Variants in C2CD5 observed in about 807,000 individuals in gnomAD.
The protein encoded by C2CD5 is C2 domain-containing protein 5.
In C2CD5, 109 loss-of-function variants were observed where a neutral mutation model predicts 130.3. The observed-to-expected ratio is 0.84, with a 90% CI of 0.72 to 0.98. C2CD5 has a LOEUF of 0.98. Among genes scored for constraint, C2CD5 ranks in the 50% least tolerant of loss-of-function variants. The pLI is 0.00. For synonymous variants in C2CD5, 454 were observed against 429.2 expected (o/e 1.06, Z -0.71); for missense variants, 996 against 1,261.8 (o/e 0.79, Z 3.19).
In C2CD5 at chr12:22,518,023, AGAG is replaced by A. The variant is rs1434055502; in HGVS notation, c.912_914del (p.Ser307del). The A allele has an allele frequency of 6.2e-7, 1 of 1,613,892 alleles. No homozygotes were observed. Among genetic ancestry groups the A allele is most frequent in the Admixed American group, 1.7e-5 (1 of 59,980 alleles). On this transcript the variant is annotated inframe_deletion, in exon 8 of 27. Coordinates refer to ENST00000446597, the MANE Select transcript of C2CD5 (RefSeq NM_001286176.2). ...TCAAACTCAAATCTGTGTCAGAAGAAGAGGACTGTCGACTGTAGGACTTGGAAG... is the reference window on the plus strand; with the variant it reads ...TCAAACTCAAATCTGTGTCAGAAGAAGACTGTCGACTGTAGGACTTGGAAG...
intron 2 of C2CD5, 37 bp downstream of exon 2, chr12:22,544,024 G>A (rs780965274): frequency 2.7e-6 from 4 of 1,479,876 alleles, no homozygotes; most frequent in South Asian, 2.3e-5. Flanking sequence ...AGGGCTTGGC[G>A]CTCCCTGTGT....
At chr12:22,514,812 T>C (rs904835194) in intron 8 of C2CD5, 1 of 180,226 alleles carries the variant, frequency 5.5e-6, no homozygotes, top group Admixed American at 6.5e-5. Context: ...CATCAAGTAA[T>C]CCTCAATTAT....
chr12:22,526,140 T>G (rs942002878), intron 4 of C2CD5, among the ~76,000 whole-genome samples: 1 of 152,230 alleles, frequency 6.6e-6, no homozygotes, highest in African/African-American at 2.4e-5. Flanking sequence ...CTAGTTATTT[T>G]CTTTTTCAGT....
At chr12:22,452,491 A>T (rs1425437516) in intron 26 of C2CD5, among the ~76,000 whole-genome samples, 1 of 152,140 alleles carries the variant, frequency 6.6e-6, no homozygotes, top group Non-Finnish European at 1.5e-5. Context: ...CCAGAACTGC[A>T]GTAGCCTCAC....
At chr12:22,468,125 T>G (rs971409121) in intron 22 of C2CD5, among the ~76,000 whole-genome samples, 1 of 150,844 alleles carries the variant, frequency 6.6e-6, no homozygotes, top group African/African-American at 2.4e-5. Flanking sequence ...AAATTATACC[T>G]AGAAGTGATT....
At chr12:22,478,627 C>A in intron 14 of C2CD5, 150 bp from the exon 15 acceptor site, 51 of 625,506 alleles carry the variant, frequency 8.2e-5, no homozygotes, top group Non-Finnish European at 1.1e-4. Flanking sequence ...GGGCAGATCA[C>A]TTGAGGTCAG....
intron 13 of C2CD5, among the ~76,000 whole-genome samples, chr12:22,484,150 C>G (rs1407962793): frequency 6.6e-6 from 1 of 152,088 alleles, no homozygotes; most frequent in Non-Finnish European, 1.5e-5. Flanking sequence ...AAAGGAATTT[C>G]AAGGCGAAAA....
At chr12:22,481,499 C>CT (rs1819598905) in intron 14 of C2CD5, among the ~76,000 whole-genome samples, 1 of 152,138 alleles carries the variant, frequency 6.6e-6, no homozygotes, top group South Asian at 2.1e-4. Flanking sequence ...ACCTGGTTCT[C>CT]TGAGTCCTAC....
intron 8 of C2CD5, 123 bp from the exon 9 acceptor site, chr12:22,513,502 A>G: frequency 1.4e-6 from 1 of 698,114 alleles, no homozygotes; most frequent in Non-Finnish European, 2.6e-6. Flanking sequence ...CATTTAAAGC[A>G]CTGGGGATGA....
Position 22,484,696 on chromosome 12 carries a change from C to T in C2CD5, c.1550+1G>A, listed in dbSNP as rs1197670359. 2 of 1,551,858 alleles carry T rather than the reference C, an allele frequency of 1.3e-6. No homozygotes were observed. The stretch of plus-strand genomic sequence containing the variant: ...ACCGAGTGTTGTTTTCACAAACATA[C>T]CTTGCTTGAATAAGACAACCTTTTC... On this transcript the variant is annotated splice_donor_variant, in intron 13 of 26. Transcript: ENST00000446597. LOFTEE classifies it high-confidence loss of function.
intron 10 of C2CD5, among the ~76,000 whole-genome samples, chr12:22,500,991 C>T (rs1419957098): frequency 2.0e-5 from 3 of 152,010 alleles, no homozygotes; most frequent in African/African-American, 7.2e-5. Context: ...AGAGCAATGG[C>T]TAAATATTCT....
chr12:22,460,002 C>T (rs553985667), intron 22 of C2CD5, among the ~76,000 whole-genome samples: 100 of 152,286 alleles, frequency 6.6e-4, no homozygotes, highest in Non-Finnish European at 1.2e-3. Context: ...TCAGCATAAG[C>T]TGCTCCCTAG....
chr12:22,484,410 T>C (rs1945182427), intron 13 of C2CD5: 1 of 283,878 alleles, frequency 3.5e-6, no homozygotes, highest in Admixed American at 5.1e-5. Context: ...ATTGAAGCAA[T>C]CTATACTTAG....
At chr12:22,478,013 ACACACACACACACACT>A (rs954539272) in intron 15 of C2CD5, 13 of 240,244 alleles carry the variant, frequency 5.4e-5, no homozygotes, top group South Asian at 1.6e-4. Context: ...ACACACACTC[ACACACACACACACACT>A]CACACACACA....
chr12:22,525,194 T>C (rs1441390471), intron 5 of C2CD5, among the ~76,000 whole-genome samples: 1 of 152,144 alleles, frequency 6.6e-6, no homozygotes, highest in Non-Finnish European at 1.5e-5. Flanking sequence ...CTAAGTCAAC[T>C]ACTTAGGGAT....
At chr12:22,485,556 A>T (rs920503219) in intron 12 of C2CD5, among the ~76,000 whole-genome samples, 1 of 152,138 alleles carries the variant, frequency 6.6e-6, no homozygotes. Context: ...GTAAGTCAAA[A>T]ACAGGCATAC....
intron 9 of C2CD5, among the ~76,000 whole-genome samples, chr12:22,510,243 G>A (rs985292422): frequency 6.6e-6 from 1 of 151,980 alleles, no homozygotes; most frequent in Non-Finnish European, 1.5e-5. Context: ...CTTAAGATCA[G>A]CACAAGCACA....
intron 10 of C2CD5, among the ~76,000 whole-genome samples, chr12:22,503,296 C>T (rs11046447): frequency 0.16 from 24,217 of 152,124 alleles, 3,838 homozygotes; most frequent in African/African-American, 0.41. Flanking sequence ...TTAAGTCTCC[C>T]TCAGCAGAGG....
rs905772271 is a variant in C2CD5 at position 22,520,390 on chromosome 12, G to A, written c.801-2253C>T. 1.3e-5 allele frequency among the ~76,000 whole-genome samples: 2 copies of A among 152,070 alleles called. 1 individual carries two copies. The highest frequency in any genetic ancestry group is 2.9e-5 in the Non-Finnish European group (2 of 67,972). ...ACAATTTGTCAAGGTTCTAACATGA[G>A]CTATCACTAACTGATCATAATAGTC... On this transcript the variant is annotated intron_variant, in intron 7 of 26. Transcript: ENST00000446597.
Sources: allele counts gnomAD v4.1 joint callset (sites outside exome capture counted in the v4.1 genomes callset), GRCh38; gene constraint gnomAD v4.1.1; transcripts MANE v1.5; gene names NCBI Gene and HGNC (gene_info 2026-07-23, HGNC 2026-07-21).